Variants in PKN3 observed in about 807,000 individuals in gnomAD.
PKN3 encodes the protein protein kinase N3.
In PKN3, 91 loss-of-function variants were observed where a neutral mutation model predicts 113.1. The observed-to-expected ratio is 0.80, with a 90% CI of 0.68 to 0.96. PKN3 has a LOEUF of 0.96. Ranked by LOEUF, PKN3 falls within the 40% of genes least tolerant of loss-of-function variation. PKN3 has a pLI of 0.00. For missense variants in PKN3, 1,052 were observed against 1,202.2 expected (o/e 0.88, Z 1.85); for synonymous variants, 467 against 499.0 (o/e 0.94, Z 0.85).
Position 128,705,484 on chromosome 9 carries a change from G to A in PKN3, c.206G>A (p.Gly69Asp), listed in dbSNP as rs1209308773. ...AACCGCCGCCTGGAGCAGCTGCATG[G>A]CGAGCTGCGGGAGCTGCACGCCCGA... Reference protein sequence around the residue: ...SSNRRLEQLHGELRELHARIL... With the variant: ...SSNRRLEQLHDELRELHARIL... The change falls in exon 2 of 22, where the codon GGC becomes GAC. Residue 69 changes from glycine to aspartate, a missense_variant. By Grantham distance (94) the Gly-to-Asp change is moderately conservative. Transcript: ENST00000291906. 27 of 1,563,156 alleles carry A rather than the reference G, an allele frequency of 1.7e-5. No homozygotes were observed. The highest frequency in any genetic ancestry group is 2.3e-5 in the Non-Finnish European group (27 of 1,154,676).
rs1029160297 is a variant in PKN3, at chr9:128,715,501, G to A, written c.1808+41G>A. Reference sequence around the variant, plus strand: ...GCAGGGCACCCAGGATGGCTGGCCTGGGCTGTGGCATCCAGAGGGCAGTTG... The same window carrying A: ...GCAGGGCACCCAGGATGGCTGGCCTAGGCTGTGGCATCCAGAGGGCAGTTG... On this transcript the variant is annotated intron_variant, in intron 15 of 21. Coordinates refer to ENST00000291906, the MANE Select transcript of PKN3 (RefSeq NM_013355.5). The surrounding 1 kb of genome is among the most constrained non-coding windows in gnomAD (Gnocchi z 4.1). 6.6e-7 allele frequency: 1 copy of A among 1,504,566 alleles called. No individual in the cohort carries two copies. Among genetic ancestry groups the A allele is most frequent in the Non-Finnish European group, 9.2e-7 (1 of 1,082,176 alleles). 93.2% of individuals were successfully genotyped at this position (1,504,566 alleles called of 1,614,324 possible).
rs1862248598 is a variant in PKN3 at position 128,713,640 on chromosome 9, C to T, written c.1234C>T (p.Gln412Ter). The T allele has an allele frequency of 6.2e-7, 1 of 1,613,486 alleles. No individual in the cohort carries two copies. Among genetic ancestry groups the T allele is most frequent in the Admixed American group, 1.7e-5 (1 of 60,010 alleles). ...SLVPQGLLFA[Q>*]VTFCDPVIER... ...GGTACCGCAGGGACTGCTTTTTGCC[C>T]AGGTGCTCACCACCTCCGCCCTCTG... Residue 412 changes from glutamine to a stop codon, truncating the protein, a stop_gained and splice_region_variant, in exon 9 of 22, where the codon CAG becomes TAG. Transcript: ENST00000291906. LOFTEE classifies it high-confidence loss of function.
chr9:128,707,448 G>A, intron 6 of PKN3, 43 bp downstream of exon 6: 1 of 1,520,824 alleles, frequency 6.6e-7, no homozygotes, highest in Non-Finnish European at 8.9e-7. Flanking sequence ...CCTTCTTTTT[G>A]GGGGGAGGCC....
chr9:128,706,749 C>A lies in PKN3; in HGVS notation c.448C>A (p.Arg150=). ...CCTGGCAGCTGCCCAGCAGATGCTG[C>A]GGGACAGCCAGCTGAAGGTGGCCCT... ...KLLAAAQQML[R]DSQLKVALLR... The change falls in exon 4 of 22, where the codon CGG becomes AGG. Residue 150 remains arginine, a synonymous_variant. Transcript: ENST00000291906. 6.2e-7 allele frequency: 1 copy of A among 1,603,166 alleles called. No individual in the cohort carries two copies. The highest frequency in any genetic ancestry group is 8.5e-7 in the Non-Finnish European group (1 of 1,174,956).
rs202179298 is a variant in PKN3 at position 128,713,039 on chromosome 9, A to T, written c.836-13A>T. The stretch of plus-strand genomic sequence containing the variant: ...TGGCATCTGACAACGCCCCCCGCTC[A>T]CTCTCCCCACAGGGACACTGCAGGT... On this transcript the variant is annotated splice_polypyrimidine_tract_variant and intron_variant, in intron 6 of 21. Coordinates refer to ENST00000291906, the MANE Select transcript of PKN3 (RefSeq NM_013355.5). 1.3e-6 allele frequency: 2 copies of T among 1,582,112 alleles called. No homozygotes were observed. Among genetic ancestry groups the T allele is most frequent in the Non-Finnish European group, 1.7e-6 (2 of 1,160,806 alleles).
At position 128,720,315 on chromosome 9, in the gene PKN3, G is replaced by A; in HGVS notation, c.2457+32G>A. Reference sequence around the variant, plus strand: ...GGCTGGGGTGGCGGTGGTCCCCTGTGCCTGGCAGGGTAGGTGGCATGGAGT... The same window carrying A: ...GGCTGGGGTGGCGGTGGTCCCCTGTACCTGGCAGGGTAGGTGGCATGGAGT... On this transcript the variant is annotated intron_variant, in intron 21 of 21. Transcript: ENST00000291906. This position sits in a 1 kb window ranked among gnomAD's most constrained non-coding sequence, Gnocchi z 5.5. The A allele has an allele frequency of 6.2e-7, 1 of 1,611,252 alleles. No homozygotes were observed. Among genetic ancestry groups the A allele is most frequent in the Non-Finnish European group, 8.5e-7 (1 of 1,177,946 alleles).
At position 128,720,221 on chromosome 9, in the gene PKN3, G is replaced by A. The variant is rs1045650856; in HGVS notation, c.2395G>A (p.Glu799Lys). The change falls in exon 21 of 22, where the codon GAG becomes AAG. Residue 799 changes from glutamate (E) to lysine (K), a missense_variant. Glu to Lys is a moderately conservative substitution (Grantham distance 56, BLOSUM62 1). This residue lies in a region of PKN3 where 333 missense variants were observed against 442.8 expected (regional missense o/e 0.75). Transcript: ENST00000291906. The surrounding 1 kb of genome is among the most constrained non-coding windows in gnomAD (Gnocchi z 5.5). Reference protein sequence around the residue: ...FIQKLLQKCPEKRLGAGEQDA... With the variant: ...FIQKLLQKCPKKRLGAGEQDA... The stretch of plus-strand genomic sequence containing the variant: ...TGCCCAGCTCCTCCAGAAGTGCCCG[G>A]AGAAGCGCCTCGGGGCAGGTGAGCA... 4 of 1,613,700 alleles carry A rather than the reference G, an allele frequency of 2.5e-6. No homozygotes were observed. The highest frequency in any genetic ancestry group is 3.3e-5 in the Admixed American group (2 of 59,998).
At chr9:128,708,015 G>C (rs1862070584) in intron 6 of PKN3, among the ~76,000 whole-genome samples, 2 of 147,948 alleles carry the variant, frequency 1.4e-5, no homozygotes, top group African/African-American at 2.5e-5. Flanking sequence ...AGGTTGCAGT[G>C]AGCCGAGATC....
chr9:128,705,923 T>G (rs1862003620), intron 3 of PKN3, 44 bp downstream of exon 3: 2 of 1,516,688 alleles, frequency 1.3e-6, no homozygotes, highest in Non-Finnish European at 1.8e-6. Context: ...TGGCCCCTGG[T>G]CTGACAGGGA....
At chr9:128,713,827 G>T (rs1210429301) in intron 9 of PKN3, among the ~76,000 whole-genome samples, 185 bp downstream of exon 9, 1 of 152,184 alleles carries the variant, frequency 6.6e-6, no homozygotes, top group Non-Finnish European at 1.5e-5. Context: ...TGTCCTGACT[G>T]CCCTGCCTCA....
At chr9:128,717,601 G>T (rs961544476) in intron 16 of PKN3, among the ~76,000 whole-genome samples, 45 of 151,306 alleles carry the variant, frequency 3.0e-4, no homozygotes, top group African/African-American at 1.0e-3. Context: ...GGTGGCACAC[G>T]CCTGTAATCC....
At chr9:128,704,648 G>A (rs1330837145) in intron 1 of PKN3, among the ~76,000 whole-genome samples, 1 of 152,090 alleles carries the variant, frequency 6.6e-6, no homozygotes, top group Non-Finnish European at 1.5e-5. Context: ...GTACAGGCGT[G>A]GTGGCTCACA....
rs1019425448 is a variant in PKN3, at chr9:128,704,518, C to T, written c.25-785C>T. Among the ~76,000 whole-genome samples, 4 of 152,278 alleles carry T rather than the reference C, an allele frequency of 2.6e-5. No homozygotes were observed. In the South Asian group the frequency reaches 8.3e-4, roughly 32 times the overall value. ...ATGTAGAGAGAGCAGCCTGATTACC[C>T]AGGGCTGCCAGGGACAGCTGGGGCC... On this transcript the variant is annotated intron_variant, in intron 1 of 21. Coordinates refer to ENST00000291906, the MANE Select transcript of PKN3 (RefSeq NM_013355.5).
Position 128,717,904 on chromosome 9 carries a change from G to A in PKN3, c.1986-421G>A, listed in dbSNP as rs144017634. Among the ~76,000 whole-genome samples the A allele has an allele frequency of 7.0e-3, 1,035 of 147,870 alleles. 15 individuals are homozygous for A. The highest frequency in any genetic ancestry group is 0.054 in the East Asian group (265 of 4,940). ...AAAAAAATTAGCTGGGCGTGGTGGC[G>A]CGTGCCTGTAGTCTCAGCTACTTGG... On this transcript the variant is annotated intron_variant, in intron 16 of 21. Transcript: ENST00000291906.
In PKN3 at chr9:128,715,481, GCACCCA is replaced by G; in HGVS notation, c.1808+22_1808+27del. ...GAGAGGTGTGTGGGGGTGCCGCAGG[GCACCCA>G]GGATGGCTGGCCTGGGCTGTGGCAT... On this transcript the variant is annotated intron_variant, in intron 15 of 21. Transcript: ENST00000291906. The surrounding 1 kb of genome is among the most constrained non-coding windows in gnomAD (Gnocchi z 4.1). The G allele has an allele frequency of 6.3e-7, 1 of 1,595,020 alleles. No individual in the cohort carries two copies. The highest frequency in any genetic ancestry group is 2.2e-5 in the East Asian group (1 of 44,794).
At position 128,714,356 on chromosome 9, in the gene PKN3, C is replaced by T; in HGVS notation, c.1472C>T (p.Ala491Val). Reference protein sequence around the residue: ...PTTLREASDPATPSNFLPKKT... With the variant: ...PTTLREASDPVTPSNFLPKKT... ...ACACTGCGAGAGGCCTCTGACCCTGCCACTCCCAGGTGAGGAGCTCCCTTG... is the reference window on the plus strand; with the variant it reads ...ACACTGCGAGAGGCCTCTGACCCTGTCACTCCCAGGTGAGGAGCTCCCTTG... Residue 491 changes from alanine to valine, a missense_variant, in exon 11 of 22, where the codon GCC becomes GTC. Transcript: ENST00000291906. 1 of 1,599,748 alleles carries T rather than the reference C, an allele frequency of 6.3e-7. No homozygotes were observed. The highest frequency in any genetic ancestry group is 1.7e-5 in the Admixed American group (1 of 57,410).
At chr9:128,713,720 T>C in intron 9 of PKN3, 78 bp downstream of exon 9, 1 of 1,388,966 alleles carries the variant, frequency 7.2e-7, no homozygotes, top group South Asian at 1.2e-5. Flanking sequence ...ACCGATGCAC[T>C]GCGTGTAGGT....
chr9:128,712,230 C>G (rs1369665282), intron 6 of PKN3, among the ~76,000 whole-genome samples: 1 of 152,134 alleles, frequency 6.6e-6, no homozygotes, highest in Non-Finnish European at 1.5e-5. Flanking sequence ...TTCTAAGCTT[C>G]TCTTTCTACC....
Position 128,720,729 on chromosome 9 carries a change from A to G in PKN3, c.*123A>G, listed in dbSNP as rs974250273. 89 of 843,794 alleles carry G rather than the reference A, an allele frequency of 1.1e-4. No individual in the cohort carries two copies. Among genetic ancestry groups the G allele is most frequent in the Middle Eastern group, 6.7e-4 (3 of 4,446 alleles). The allele number at this position is 843,794 out of a possible 1,614,324, so 52.3% of individuals were successfully genotyped here. On this transcript the variant is annotated 3_prime_UTR_variant, in exon 22 of 22. Transcript: ENST00000291906. This position sits in a 1 kb window ranked among gnomAD's most constrained non-coding sequence, Gnocchi z 5.5. ...GTACTTCTGAGCCCTTGGGATTCAA[A>G]GTGGCAGCCATGGGGCCACTGTTGT...
Sources: allele counts gnomAD v4.1 joint callset (sites outside exome capture counted in the v4.1 genomes callset), GRCh38; gene constraint gnomAD v4.1.1; regional missense constraint gnomAD v4.1.1; non-coding constraint Gnocchi (gnomAD v3.1); transcripts MANE v1.5; gene names NCBI Gene and HGNC (gene_info 2026-07-23, HGNC 2026-07-21).